RAB11FIP2: variants seen among roughly 807,000 people sequenced by gnomAD.
RAB11FIP2 encodes the protein rab11 family-interacting protein 2.
RAB11FIP2 carries 16 observed loss-of-function variants against 40.9 expected under a neutral mutation model. That is an observed-to-expected ratio of 0.39 (90% CI 0.26 to 0.59). The LOEUF is 0.59. Ranked by LOEUF, RAB11FIP2 falls within the 20% of genes least tolerant of loss-of-function variation. The pLI is 0.53. For missense variants in RAB11FIP2, 532 were observed against 606.2 expected, an observed-to-expected ratio of 0.88 and a Z score of 1.28; for synonymous variants, 228 against 213.7, an observed-to-expected ratio of 1.07 and a Z score of -0.58.
At chr10:118,043,401 A>G (rs1371243696) in intron 1 of RAB11FIP2, 1 of 152,142 alleles carries the variant, frequency 6.6e-6, no homozygotes, top group African/African-American at 2.4e-5. Flanking sequence ...TTAACATTCT[A>G]TTACTAAACA....
At chr10:118,020,887 T>C (rs541750671) in intron 3 of RAB11FIP2, among the ~76,000 whole-genome samples, 1 of 152,350 alleles carries the variant, frequency 6.6e-6, no homozygotes, top group African/African-American at 2.4e-5. Context: ...TCTATTTCTC[T>C]ATTAGAAAGA....
chr10:118,015,553 A>G (rs1038074738), intron 3 of RAB11FIP2, among the ~76,000 whole-genome samples: 3 of 152,208 alleles, frequency 2.0e-5, no homozygotes, highest in Non-Finnish European at 4.4e-5. Flanking sequence ...TAAAAATGCC[A>G]TAAGTGTTAG....
intron 1 of RAB11FIP2, 147 bp from the exon 2 acceptor site, chr10:118,040,712 C>A: frequency 1.7e-6 from 1 of 603,734 alleles, no homozygotes; most frequent in South Asian, 2.5e-5. Flanking sequence ...CACAGTATTT[C>A]GGGCTTTACT....
chr10:118,010,451 T>C (rs934034441), intron 4 of RAB11FIP2, among the ~76,000 whole-genome samples: 3 of 152,116 alleles, frequency 2.0e-5, no homozygotes, highest in African/African-American at 7.2e-5. Flanking sequence ...AGAATTAAAC[T>C]GTCCTTCCCT....
Position 118,008,639 on chromosome 10 carries a change from G to T in RAB11FIP2, c.*359C>A. Reference sequence around the variant, plus strand: ...CTGATTTCTGAGAAACCAGCCACAGGATCAATTCTGCTTTATGAAAAATCT... The same window carrying T: ...CTGATTTCTGAGAAACCAGCCACAGTATCAATTCTGCTTTATGAAAAATCT... On this transcript the variant is annotated 3_prime_UTR_variant, in exon 5 of 5. Coordinates refer to ENST00000355624, the MANE Select transcript of RAB11FIP2 (RefSeq NM_014904.3). 5.1e-6 allele frequency: 1 copy of T among 195,200 alleles called. No individual in the cohort carries two copies. The highest frequency in any genetic ancestry group is 1.1e-4 in the South Asian group (1 of 9,440). The allele number at this position is 195,200 out of a possible 1,614,324, so 12.1% of individuals were successfully genotyped here.
chr10:118,030,203 A>C (rs1846396315), intron 3 of RAB11FIP2, among the ~76,000 whole-genome samples: 1 of 152,172 alleles, frequency 6.6e-6, no homozygotes, highest in African/African-American at 2.4e-5. Flanking sequence ...ATGTAACAAC[A>C]ATTAAAAATA....
At chr10:118,031,278 A>C (rs1846410842) in intron 3 of RAB11FIP2, among the ~76,000 whole-genome samples, 1 of 152,182 alleles carries the variant, frequency 6.6e-6, no homozygotes, top group Non-Finnish European at 1.5e-5. Context: ...CATTATAAAA[A>C]TGAAGGTTTA....
In RAB11FIP2 at chr10:118,040,215, T is replaced by C. The variant is rs376045294; in HGVS notation, c.704A>G (p.His235Arg). ...AHSMSDLSGS[H>R]MSSEKLKAGT... ...AGCCTTCAGTTTCTCAGAAGACATA[T>C]GGGACCCAGATAAATCAGACATTGA... Residue 235 changes from histidine to arginine, a missense_variant, in exon 2 of 5, where the codon CAT (histidine) becomes CGT (arginine). His to Arg is a conservative substitution (Grantham distance 29). Coordinates refer to ENST00000355624, the MANE Select transcript of RAB11FIP2 (RefSeq NM_014904.3). 1.5e-4 allele frequency: 243 copies of C among 1,613,728 alleles called. No individual in the cohort carries two copies. Among genetic ancestry groups the C allele is most frequent in the Non-Finnish European group, 1.9e-4 (223 of 1,179,794 alleles).
intron 3 of RAB11FIP2, among the ~76,000 whole-genome samples, chr10:118,036,269 G>A (rs1257024107): frequency 6.6e-6 from 1 of 151,984 alleles, no homozygotes; most frequent in Admixed American, 6.6e-5. Context: ...ACCTTGTTCA[G>A]CATTCTCACA....
At chr10:118,040,092 A>G in intron 2 of RAB11FIP2, 31 bp downstream of exon 2, 1 of 1,567,092 alleles carries the variant, frequency 6.4e-7, no homozygotes, top group Non-Finnish European at 8.7e-7. Context: ...GGTAGTTCAG[A>G]CCAATGAGTA....
At chr10:118,017,661 A>C (rs920208297) in intron 3 of RAB11FIP2, 1 of 152,184 alleles carries the variant, frequency 6.6e-6, no homozygotes, top group African/African-American at 2.4e-5. Context: ...TAAGCTTTGG[A>C]CAATGTTAAT....
intron 2 of RAB11FIP2, chr10:118,039,909 T>C (rs1166769256): frequency 1.6e-5 from 8 of 485,284 alleles, no homozygotes; most frequent in Non-Finnish European, 2.9e-5. Context: ...CTCATTTTAT[T>C]ATCATCTAAT....
At chr10:118,010,285 C>T (rs1399587048) in intron 4 of RAB11FIP2, among the ~76,000 whole-genome samples, 2 of 152,076 alleles carry the variant, frequency 1.3e-5, no homozygotes, top group African/African-American at 2.4e-5. Context: ...TAATTTTCAT[C>T]ACTATCTTTT....
Position 118,046,216 on chromosome 10 carries a change from G to A in RAB11FIP2, c.-53C>T, listed in dbSNP as rs140712698. The A allele has an allele frequency of 1.0e-5, 15 of 1,453,990 alleles. No homozygotes were observed. The East Asian group carries it at 1.8e-4, about 18-fold the overall frequency. The allele number at this position is 1,453,990 out of a possible 1,614,324, so 90.1% of individuals were successfully genotyped here. A position where few individuals can be genotyped will look rare whatever the true frequency, so the allele number is the denominator to read the frequency against. On this transcript the variant is annotated 5_prime_UTR_variant, in exon 1 of 5. Coordinates refer to ENST00000355624, the MANE Select transcript of RAB11FIP2 (RefSeq NM_014904.3). ...CCCTAGCACAGGCAGTGCCCCTCCC[G>A]GAGGGAGAGCCTAATTCCTTAATCA... is the stretch of plus-strand genomic sequence containing the variant.
chr10:118,025,490 G>A (rs1018786497), intron 3 of RAB11FIP2, among the ~76,000 whole-genome samples: 7 of 152,058 alleles, frequency 4.6e-5, no homozygotes, highest in South Asian at 2.1e-4. Context: ...ACTTAGAAAC[G>A]CAGTTTTTCT....
chr10:118,016,669 T>G (rs1441522527), intron 3 of RAB11FIP2, among the ~76,000 whole-genome samples: 1 of 152,146 alleles, frequency 6.6e-6, no homozygotes, highest in Non-Finnish European at 1.5e-5. Flanking sequence ...ACTGGGATAT[T>G]CTAAAAAACA....
intron 3 of RAB11FIP2, among the ~76,000 whole-genome samples, chr10:118,016,694 C>T (rs1416702508): frequency 6.6e-6 from 1 of 152,162 alleles, no homozygotes; most frequent in Non-Finnish European, 1.5e-5. Flanking sequence ...GATATACACT[C>T]AGGCCCGACA....
chr10:118,032,521 T>C (rs1589645281), intron 3 of RAB11FIP2, among the ~76,000 whole-genome samples: 1 of 152,044 alleles, frequency 6.6e-6, no homozygotes, highest in Non-Finnish European at 1.5e-5. Context: ...GTTAGGGACC[T>C]GCAAGCAGAG....
At position 118,039,063 on chromosome 10, in the gene RAB11FIP2, A is replaced by G; in HGVS notation, c.1174T>C (p.Phe392Leu). 1 of 1,613,456 alleles carries G rather than the reference A, an allele frequency of 6.2e-7. No individual in the cohort carries two copies. The part of the protein sequence containing the change: ...SPCDLKSPNA[F>L]SENRQDYFDY... The stretch of plus-strand genomic sequence containing the variant: ...AAATAGTCCTGGCGATTTTCACTAA[A>G]TGCATTAGGTGATTTCAAGTCACAA... The change falls in exon 3 of 5, where the codon TTT becomes CTT. Residue 392 changes from phenylalanine (F) to leucine (L), a missense_variant. By Grantham distance (22) the Phe-to-Leu change is conservative. Transcript: ENST00000355624.
Sources: gnomAD v4.1 joint callset for allele counts (sites outside exome capture counted in the v4.1 genomes callset) on GRCh38, gnomAD v4.1.1 for gene constraint, MANE v1.5 for transcripts, NCBI Gene and HGNC (gene_info 2026-07-23, HGNC 2026-07-21) for gene names.